SLCO5A1: variants seen among roughly 807,000 people sequenced by gnomAD.
SLCO5A1 encodes organic anion transporter polypeptide-related protein 4.
A neutral mutation model predicts 65.1 loss-of-function variants in SLCO5A1; 39 were observed. The observed-to-expected ratio is 0.60, with a 90% confidence interval of 0.46 to 0.78. The LOEUF is 0.78. SLCO5A1 is among the 30% of genes least tolerant of loss of function. The pLI, the probability that SLCO5A1 is intolerant of heterozygous loss-of-function variation, is 0.00. For missense variants in SLCO5A1, 1,029 were observed against 1,069.4 expected (o/e 0.96, Z 0.53); for synonymous variants, 438 against 415.7 (o/e 1.05, Z -0.65).
At chr8:69,808,916 C>T (rs1392984078) in intron 2 of SLCO5A1, among the ~76,000 whole-genome samples, 2 of 151,980 alleles carry the variant, frequency 1.3e-5, no homozygotes, top group Non-Finnish European at 2.9e-5. Context: ...ACCAGCCTGA[C>T]CAACATGATG....
At chr8:69,752,436 TA>T (rs5892216) in intron 4 of SLCO5A1, among the ~76,000 whole-genome samples, 10 of 146,634 alleles carry the variant, frequency 6.8e-5, no homozygotes, top group Admixed American at 2.7e-4. Context: ...TCAGCTTTGT[TA>T]AAAAAAAAAA....
intron 8 of SLCO5A1, among the ~76,000 whole-genome samples, chr8:69,679,104 G>A (rs905910912): frequency 1.2e-4 from 18 of 151,634 alleles, no homozygotes; most frequent in African/African-American, 4.2e-4. Context: ...GAGACTTCAG[G>A]AATCAAAAAC....
rs1814912104 is a variant in SLCO5A1, at chr8:69,705,135, T to C, written c.1518A>G (p.Leu506=). 1.2e-6 allele frequency: 2 copies of C among 1,614,222 alleles called. No homozygotes were observed. Among genetic ancestry groups the C allele is most frequent in the Non-Finnish European group, 1.7e-6 (2 of 1,180,038 alleles). Residue 506 remains leucine, a synonymous_variant, in exon 6 of 10, where the codon CTA becomes CTG. Transcript: ENST00000260126. ...LKLGARESAK[L]AMICSGVSLL... ...AAGACACACCACTGCAGATCATTGC[T>C]AGTTTTGCAGATTCTCTGGCACCAA...
chr8:69,759,606 A>G (rs555338436), intron 3 of SLCO5A1, among the ~76,000 whole-genome samples: 119 of 152,312 alleles, frequency 7.8e-4, no homozygotes, highest in Non-Finnish European at 1.5e-3. Context: ...CCAGGGGAAT[A>G]TGGATTCAGG....
At chr8:69,794,996 T>A (rs965040276) in intron 2 of SLCO5A1, among the ~76,000 whole-genome samples, 1 of 152,194 alleles carries the variant, frequency 6.6e-6, no homozygotes, top group Non-Finnish European at 1.5e-5. Flanking sequence ...ATCACTATCA[T>A]GAGAACAGCA....
intron 4 of SLCO5A1, among the ~76,000 whole-genome samples, chr8:69,750,002 A>C (rs957074712): frequency 7.2e-5 from 11 of 152,186 alleles, no homozygotes; most frequent in Admixed American, 5.9e-4. Flanking sequence ...GGCAAGTGTA[A>C]AAGTCCTGGG....
At chr8:69,774,986 GA>G in intron 2 of SLCO5A1, among the ~76,000 whole-genome samples, 1 of 152,300 alleles carries the variant, frequency 6.6e-6, no homozygotes, top group Admixed American at 6.5e-5. Context: ...AGGCAGATAA[GA>G]GGCCTTTGAT....
chr8:69,676,705 T>A (rs1228635596), intron 8 of SLCO5A1, 32 bp from the exon 9 acceptor site: 2 of 1,587,068 alleles, frequency 1.3e-6, no homozygotes, highest in Admixed American at 1.7e-5. Flanking sequence ...AAATGCATTT[T>A]AAATAGTAGC....
chr8:69,828,470 T>C (rs535464392), intron 2 of SLCO5A1, among the ~76,000 whole-genome samples: 22 of 151,708 alleles, frequency 1.5e-4, no homozygotes, highest in African/African-American at 3.6e-4. Flanking sequence ...GGCGTGGTGG[T>C]GGGCGCCTGT....
intron 4 of SLCO5A1, among the ~76,000 whole-genome samples, chr8:69,742,231 A>G (rs1563694751): frequency 6.6e-6 from 1 of 152,240 alleles, no homozygotes; most frequent in Non-Finnish European, 1.5e-5. Context: ...CACAAAATTT[A>G]GAAGACTAAG....
At chr8:69,819,373 C>A (rs981898292) in intron 2 of SLCO5A1, among the ~76,000 whole-genome samples, 1 of 151,842 alleles carries the variant, frequency 6.6e-6, no homozygotes, top group Non-Finnish European at 1.5e-5. Flanking sequence ...GGCAGGCACA[C>A]TGCTTGGGTC....
chr8:69,820,014 C>T (rs969313882), intron 2 of SLCO5A1, among the ~76,000 whole-genome samples: 5 of 152,192 alleles, frequency 3.3e-5, no homozygotes, highest in African/African-American at 9.7e-5. Flanking sequence ...CTAGGGCAAC[C>T]GTGTGAACAT....
intron 4 of SLCO5A1, among the ~76,000 whole-genome samples, chr8:69,750,795 C>T (rs928422353): frequency 1.3e-5 from 2 of 152,170 alleles, no homozygotes; most frequent in African/African-American, 4.8e-5. Context: ...GCCTTTAATA[C>T]ATTTCCATCT....
intron 2 of SLCO5A1, among the ~76,000 whole-genome samples, chr8:69,765,758 T>G (rs1818033697): frequency 6.6e-6 from 1 of 152,134 alleles, no homozygotes; most frequent in African/African-American, 2.4e-5. Context: ...CCAGGCCCCA[T>G]GCTCAGCACA....
chr8:69,782,982 A>G (rs888090720), intron 2 of SLCO5A1, among the ~76,000 whole-genome samples: 3 of 152,144 alleles, frequency 2.0e-5, no homozygotes, highest in African/African-American at 7.2e-5. Context: ...ACTTAATCCC[A>G]CTAGATGTGC....
chr8:69,702,789 A>T (rs976813290), intron 6 of SLCO5A1, among the ~76,000 whole-genome samples: 2 of 152,186 alleles, frequency 1.3e-5, no homozygotes, highest in South Asian at 4.1e-4. Flanking sequence ...AAATGAGCAG[A>T]TCCTAACAAA....
At chr8:69,732,282 C>T (rs1169084822) in intron 5 of SLCO5A1, among the ~76,000 whole-genome samples, 3 of 152,150 alleles carry the variant, frequency 2.0e-5, no homozygotes, top group Non-Finnish European at 4.4e-5. Context: ...GTAAGTATCT[C>T]AATTATTCTA....
chr8:69,712,315 C>T (rs144914591), intron 5 of SLCO5A1, among the ~76,000 whole-genome samples: 53 of 152,268 alleles, frequency 3.5e-4, no homozygotes, highest in Admixed American at 3.1e-3. Context: ...TCGATTTTGA[C>T]GTTTTTATTC....
intron 2 of SLCO5A1, among the ~76,000 whole-genome samples, chr8:69,830,078 T>C (rs1821095359): frequency 6.6e-6 from 1 of 152,228 alleles, no homozygotes. Context: ...GCTATTCTTC[T>C]CTACCCAGAA....
Sources: allele counts gnomAD v4.1 joint callset (sites outside exome capture counted in the v4.1 genomes callset), GRCh38; gene constraint gnomAD v4.1.1; transcripts MANE v1.5; gene names NCBI Gene and HGNC (gene_info 2026-07-23, HGNC 2026-07-21).